CEP152: variants seen among roughly 807,000 people sequenced by gnomAD.
The protein encoded by CEP152 is centrosomal protein 152.
Under a neutral mutation model 188.9 loss-of-function variants are expected in CEP152, and 132 were observed. The observed-to-expected ratio is 0.70, with a 90% CI of 0.61 to 0.81. The LOEUF (loss-of-function observed/expected upper bound fraction) is 0.81, where lower values mean the gene tolerates loss of function less well. Ranked by LOEUF, CEP152 falls within the 30% of genes least tolerant of loss-of-function variation. The probability of loss-of-function intolerance (pLI) is 0.00; values close to 1 mark genes in which losing one functional copy is unlikely to be tolerated. For missense variants in CEP152, 1,914 were observed against 1,969.8 expected, an observed-to-expected ratio of 0.97 and a Z score of 0.54; for synonymous variants, 649 against 666.6, an observed-to-expected ratio of 0.97 and a Z score of 0.41.
At chr15:48,786,025 C>T (rs1236349448) in intron 9 of CEP152, among the ~76,000 whole-genome samples, 1 of 152,004 alleles carries the variant, frequency 6.6e-6, no homozygotes, top group African/African-American at 2.4e-5. Context: ...CTGGACCACA[C>T]ACAGAGAAGT....
In CEP152 at chr15:48,781,677, A is replaced by C. The variant is rs536651174; in HGVS notation, c.1414-318T>G. Among the ~76,000 whole-genome samples the C allele has an allele frequency of 2.6e-5, 4 of 152,304 alleles. No homozygotes were observed. The East Asian group carries it at 7.7e-4, about 29-fold the overall frequency. ...GGCGCTTTCTGGCTTACTAGAGTACAGGACAAAGTACGCTGGTTTGCCAAG... is the reference window on the plus strand; with the variant it reads ...GGCGCTTTCTGGCTTACTAGAGTACCGGACAAAGTACGCTGGTTTGCCAAG... On this transcript the variant is annotated intron_variant, in intron 11 of 26. Coordinates refer to ENST00000380950, the MANE Select transcript of CEP152 (RefSeq NM_001194998.2).
chr15:48,776,759 A>G (rs2140812603), intron 12 of CEP152, among the ~76,000 whole-genome samples: 1 of 152,238 alleles, frequency 6.6e-6, no homozygotes, highest in South Asian at 2.1e-4. Flanking sequence ...GAAACATACA[A>G]AACAGGTGAT....
chr15:48,769,694 CT>C (rs1429088983), intron 13 of CEP152, among the ~76,000 whole-genome samples: 4 of 152,074 alleles, frequency 2.6e-5, no homozygotes, highest in African/African-American at 9.7e-5. Context: ...TACAAATATC[CT>C]ATTTCTCATC....
intron 9 of CEP152, among the ~76,000 whole-genome samples, chr15:48,785,832 A>G (rs1419537428): frequency 1.3e-5 from 2 of 151,878 alleles, no homozygotes; most frequent in African/African-American, 4.8e-5. Context: ...ACATTTTTCA[A>G]GACTGAGACA....
intron 6 of CEP152, among the ~76,000 whole-genome samples, chr15:48,795,164 T>G (rs906344972): frequency 1.3e-5 from 2 of 152,220 alleles, no homozygotes; most frequent in African/African-American, 4.8e-5. Flanking sequence ...GTACAGTCAC[T>G]ATACGGGTTT....
At position 48,781,206 on chromosome 15, in the gene CEP152, T is replaced by G. The variant is rs773956441; in HGVS notation, c.1567A>C (p.Lys523Gln). ...GIKKVNWKKS[K>Q]VTSIVQEEDP... is the part of the protein sequence containing the mutation. ...ATATTCTTTCCATACCTGGTAACTT[T>G]GGATTTTTTCCAGTTGACCTTTTTA... The change falls in exon 12 of 27, where the codon AAA becomes CAA. Residue 523 changes from lysine (K) to glutamine (Q), a missense_variant. Transcript: ENST00000380950. 1.9e-6 allele frequency: 3 copies of G among 1,613,422 alleles called. No individual in the cohort carries two copies. The highest frequency in any genetic ancestry group is 2.5e-6 in the Non-Finnish European group (3 of 1,179,582).
chr15:48,748,848 C>A (rs1248181699), intron 21 of CEP152, among the ~76,000 whole-genome samples: 1 of 151,976 alleles, frequency 6.6e-6, no homozygotes, highest in Non-Finnish European at 1.5e-5. Flanking sequence ...CTGGATACTA[C>A]CATCTACTTT....
intron 9 of CEP152, among the ~76,000 whole-genome samples, chr15:48,784,687 C>T (rs1896507278): frequency 6.6e-6 from 1 of 152,166 alleles, no homozygotes; most frequent in Non-Finnish European, 1.5e-5. Context: ...TTTTAGATGT[C>T]TTATTTCTCT....
intron 20 of CEP152, 87 bp downstream of exon 20, chr15:48,755,816 T>G: frequency 6.3e-7 from 1 of 1,589,490 alleles, no homozygotes; most frequent in Non-Finnish European, 8.5e-7. Flanking sequence ...CTACTAAAAT[T>G]TAAAAGGAAA....
At chr15:48,793,530 T>C in intron 6 of CEP152, 69 bp from the exon 7 acceptor site, 1 of 1,423,876 alleles carries the variant, frequency 7.0e-7, no homozygotes, top group East Asian at 2.4e-5. Flanking sequence ...TTTAAAGCAG[T>C]GTTTTTCAAA....
intron 2 of CEP152, among the ~76,000 whole-genome samples, chr15:48,804,244 G>A (rs545336563): frequency 6.6e-6 from 1 of 152,328 alleles, no homozygotes; most frequent in Admixed American, 6.5e-5. Context: ...CTGCAGTGCT[G>A]CATAAAATTT....
At chr15:48,749,375 G>A (rs1016771109) in intron 21 of CEP152, among the ~76,000 whole-genome samples, 7 of 151,918 alleles carry the variant, frequency 4.6e-5, no homozygotes, top group African/African-American at 1.7e-4. Flanking sequence ...ATCATCAACG[G>A]TTGCCAAATA....
At chr15:48,782,667 C>T (rs187608234) in intron 10 of CEP152, among the ~76,000 whole-genome samples, 139 of 152,240 alleles carry the variant, frequency 9.1e-4, no homozygotes, top group African/African-American at 3.3e-3. Context: ...TCCCCACCTC[C>T]ACATGTAAAT....
At chr15:48,747,386 A>G (rs1893525589) in intron 22 of CEP152, among the ~76,000 whole-genome samples, 1 of 152,232 alleles carries the variant, frequency 6.6e-6, no homozygotes, top group Admixed American at 6.5e-5. Context: ...GATGAACAAG[A>G]TATGGCATAT....
chr15:48,788,326 CTTTTTTTTTTT>C (rs538514112), intron 9 of CEP152, among the ~76,000 whole-genome samples: 1 of 97,064 alleles, frequency 1.0e-5, no homozygotes, highest in Non-Finnish European at 2.0e-5. Flanking sequence ...TCACTGGCTT[CTTTTTTTTTTT>C]TTTTTTTTTT....
intron 22 of CEP152, among the ~76,000 whole-genome samples, chr15:48,748,131 C>T (rs1893593095): frequency 6.6e-6 from 1 of 152,090 alleles, no homozygotes; most frequent in Non-Finnish European, 1.5e-5. Context: ...ACATCTCCAC[C>T]AGAACTGGAA....
intron 17 of CEP152, among the ~76,000 whole-genome samples, chr15:48,766,252 A>C (rs1407376569): frequency 6.6e-6 from 1 of 152,232 alleles, no homozygotes; most frequent in Non-Finnish European, 1.5e-5. Context: ...AGCTTGCTTT[A>C]ACATAACTTA....
intron 9 of CEP152, among the ~76,000 whole-genome samples, chr15:48,785,684 C>A (rs1043483190): frequency 2.0e-5 from 3 of 151,972 alleles, no homozygotes; most frequent in Admixed American, 1.3e-4. Context: ...TATGGTGTAT[C>A]CTATTGACAA....
downstream of CEP152, among the ~76,000 whole-genome samples, chr15:48,732,958 G>A (rs535850400): frequency 2.6e-4 from 40 of 152,086 alleles, no homozygotes; most frequent in African/African-American, 9.4e-4. Flanking sequence ...AGGCATGGTG[G>A]CATACACCTG....
Sources: gnomAD v4.1 joint callset for allele counts (sites outside exome capture counted in the v4.1 genomes callset) on GRCh38, gnomAD v4.1.1 for gene constraint, MANE v1.5 for transcripts, NCBI Gene and HGNC (gene_info 2026-07-23, HGNC 2026-07-21) for gene names.